Variants in RUNX1 observed in about 807,000 individuals in gnomAD.
RUNX1 encodes the protein RUNX family transcription factor 1.
RUNX1 carries 19 observed loss-of-function variants against 42.8 expected under a neutral mutation model. The observed-to-expected ratio is 0.44, with a 90% confidence interval of 0.31 to 0.65. The LOEUF (loss-of-function observed/expected upper bound fraction) is 0.65, where lower values mean the gene tolerates loss of function less well. Among genes scored for constraint, RUNX1 ranks in the 30% least tolerant of loss-of-function variants. The probability of loss-of-function intolerance (pLI) is 0.07; values close to 1 mark genes in which losing one functional copy is unlikely to be tolerated. For synonymous variants in RUNX1, 271 were observed against 289.4 expected, an observed-to-expected ratio of 0.94 and a Z score of 0.64; for missense variants, 528 against 672.0, an observed-to-expected ratio of 0.79 and a Z score of 2.37.
intron 2 of RUNX1, among the ~76,000 whole-genome samples, chr21:34,960,312 T>C (rs1482930656): frequency 6.6e-6 from 1 of 152,150 alleles, no homozygotes; most frequent in African/African-American, 2.4e-5. Context: ...CAGTGGACTA[T>C]GAACAGAAGT....
intron 2 of RUNX1, among the ~76,000 whole-genome samples, chr21:35,041,475 G>T (rs150865004): frequency 6.6e-6 from 1 of 151,992 alleles, no homozygotes; most frequent in Admixed American, 6.5e-5. Flanking sequence ...ATCAAAAAAT[G>T]GACACATATG....
chr21:34,857,069 C>T (rs570497711), intron 6 of RUNX1, among the ~76,000 whole-genome samples: 168 of 152,276 alleles, frequency 1.1e-3, no homozygotes, highest in South Asian at 3.1e-3. Flanking sequence ...ATGCACTTGG[C>T]TTTTTTCTAG....
In RUNX1 at chr21:34,887,237, G is replaced by C. The variant is rs373359096; in HGVS notation, c.98-141C>G. ...ACGTTCAGGGGCCTTTATTACTGCG[G>C]GGGGTGGGGGGGGGCGGGGGTGGTT... is the stretch of plus-strand genomic sequence containing the variant. On this transcript the variant is annotated intron_variant, in intron 3 of 8. Transcript: ENST00000675419. The C allele has an allele frequency of 9.1e-6, 11 of 1,215,040 alleles. No individual in the cohort carries two copies. In the East Asian group the frequency reaches 2.1e-4, roughly 23 times the overall value. 75.3% of individuals were successfully genotyped at this position (1,215,040 alleles called of 1,614,324 possible). A position where few individuals can be genotyped will look rare whatever the true frequency, so the allele number is the denominator to read the frequency against.
chr21:35,018,958 G>A (rs942990176), intron 2 of RUNX1, among the ~76,000 whole-genome samples: 3 of 152,192 alleles, frequency 2.0e-5, no homozygotes, highest in Admixed American at 6.5e-5. Context: ...CTCAGCCAAC[G>A]TTAGTTGTTC....
At chr21:34,802,003 C>T (rs2056614347) in intron 7 of RUNX1, among the ~76,000 whole-genome samples, 1 of 152,094 alleles carries the variant, frequency 6.6e-6, no homozygotes, top group African/African-American at 2.4e-5. Flanking sequence ...TAAATCCTTT[C>T]CAATGGTGAC....
intron 6 of RUNX1, among the ~76,000 whole-genome samples, chr21:34,837,953 A>G (rs1206455556): frequency 6.6e-6 from 1 of 152,194 alleles, no homozygotes; most frequent in East Asian, 1.9e-4. Flanking sequence ...TTTATTATGT[A>G]TGCAGAGTCA....
intron 5 of RUNX1, 75 bp downstream of exon 5, chr21:34,880,482 A>G: frequency 7.1e-7 from 1 of 1,405,116 alleles, no homozygotes; most frequent in Non-Finnish European, 1.0e-6. Context: ...TCCATCACAG[A>G]AATCACTAGA....
chr21:34,913,890 T>C (rs779381848), intron 2 of RUNX1, among the ~76,000 whole-genome samples: 3 of 152,218 alleles, frequency 2.0e-5, no homozygotes, highest in Non-Finnish European at 4.4e-5. Context: ...AAAGGCTTTT[T>C]ACATGGCGTG....
chr21:34,940,499 G>A (rs1449757828), intron 2 of RUNX1, among the ~76,000 whole-genome samples: 6 of 152,194 alleles, frequency 3.9e-5, no homozygotes, highest in Non-Finnish European at 8.8e-5. Context: ...CAATGCTCAT[G>A]TTCTTACATG....
chr21:35,043,772 C>T (rs1272339447), intron 2 of RUNX1, among the ~76,000 whole-genome samples: 1 of 152,164 alleles, frequency 6.6e-6, no homozygotes, highest in Non-Finnish European at 1.5e-5. Flanking sequence ...GTGTGGGCCT[C>T]CTCTGCTGCC....
At chr21:34,861,004 T>A (rs2057566771) in intron 5 of RUNX1, among the ~76,000 whole-genome samples, 1 of 152,160 alleles carries the variant, frequency 6.6e-6, no homozygotes, top group African/African-American at 2.4e-5. Context: ...ATAACTAAAG[T>A]CTCAGCTGAC....
intron 7 of RUNX1, among the ~76,000 whole-genome samples, chr21:34,805,665 A>G (rs529120712): frequency 6.6e-6 from 1 of 152,368 alleles, no homozygotes; most frequent in Admixed American, 6.5e-5. Flanking sequence ...TTTTCTGACA[A>G]ACAAAACTGG....
At chr21:35,019,584 CT>C (rs1157749154) in intron 2 of RUNX1, among the ~76,000 whole-genome samples, 1 of 152,126 alleles carries the variant, frequency 6.6e-6, no homozygotes, top group Admixed American at 6.5e-5. Context: ...ACAAAGCATT[CT>C]GGAATCACAG....
At chr21:34,928,526 T>C (rs2058413876) in intron 2 of RUNX1, among the ~76,000 whole-genome samples, 1 of 152,016 alleles carries the variant, frequency 6.6e-6, no homozygotes, top group African/African-American at 2.4e-5. Flanking sequence ...AAACCCCGCC[T>C]CTACTAAAAA....
intron 2 of RUNX1, among the ~76,000 whole-genome samples, chr21:35,004,495 C>T (rs536360085): frequency 5.3e-5 from 8 of 152,260 alleles, no homozygotes; most frequent in Non-Finnish European, 8.8e-5. Flanking sequence ...TAGAACAGCA[C>T]GACAATTTCA....
intron 7 of RUNX1, among the ~76,000 whole-genome samples, chr21:34,823,294 C>T (rs1371995774): frequency 6.6e-6 from 1 of 152,140 alleles, no homozygotes; most frequent in African/African-American, 2.4e-5. Context: ...TTGAGCTGGA[C>T]ATTATAGTGG....
At chr21:35,020,170 T>A (rs1054257716) in intron 2 of RUNX1, among the ~76,000 whole-genome samples, 2 of 152,168 alleles carry the variant, frequency 1.3e-5, no homozygotes, top group Non-Finnish European at 2.9e-5. Flanking sequence ...ATTTTTTTTT[T>A]AACCAAAATA....
At chr21:35,026,772 A>G (rs2059240152) in intron 2 of RUNX1, among the ~76,000 whole-genome samples, 1 of 152,220 alleles carries the variant, frequency 6.6e-6, no homozygotes, top group Non-Finnish European at 1.5e-5. Flanking sequence ...CGACGCAGAA[A>G]GCAACAGCCA....
At chr21:34,925,275 C>A (rs1471508043) in intron 2 of RUNX1, among the ~76,000 whole-genome samples, 3 of 152,124 alleles carry the variant, frequency 2.0e-5, no homozygotes, top group Admixed American at 2.0e-4. Flanking sequence ...ATTTTCACTT[C>A]CTCAATGTTA....
Sources: gnomAD v4.1 joint callset for allele counts (sites outside exome capture counted in the v4.1 genomes callset) on GRCh38, gnomAD v4.1.1 for gene constraint, MANE v1.5 for transcripts, NCBI Gene and HGNC (gene_info 2026-07-23, HGNC 2026-07-21) for gene names.